The following ZNF804B variants were observed in gnomAD, a reference collection of about 807,000 sequenced individuals.
The protein encoded by ZNF804B is zinc finger 804B.
ZNF804B carries 80 observed loss-of-function variants against 101.4 expected under a neutral mutation model. That is an observed-to-expected ratio of 0.79 (90% confidence interval 0.66 to 0.95). The LOEUF (loss-of-function observed/expected upper bound fraction) is 0.95. Ranked by LOEUF, ZNF804B falls within the 40% of genes least tolerant of loss-of-function variation. The pLI, the probability that ZNF804B is intolerant of heterozygous loss-of-function variation, is 0.00. For synonymous variants in ZNF804B, 622 were observed against 558.8 expected (o/e 1.11, Z -1.59); for missense variants, 1,673 against 1,561.9 (o/e 1.07, Z -1.20).
chr7:89,052,751 T>A (rs973016828), intron 1 of ZNF804B, among the ~76,000 whole-genome samples: 1 of 152,172 alleles, frequency 6.6e-6, no homozygotes, highest in Non-Finnish European at 1.5e-5. Context: ...GTACTCACAT[T>A]TAGCCCAATT....
At chr7:88,907,476 AAGG>A (rs906753800) in intron 1 of ZNF804B, among the ~76,000 whole-genome samples, 1 of 152,056 alleles carries the variant, frequency 6.6e-6, no homozygotes, top group African/African-American at 2.4e-5. Flanking sequence ...TACTGCTACT[AAGG>A]AGAACAACAG....
chr7:89,006,251 C>T (rs1788367840), intron 1 of ZNF804B, among the ~76,000 whole-genome samples: 1 of 151,946 alleles, frequency 6.6e-6, no homozygotes, highest in Non-Finnish European at 1.5e-5. Context: ...CAATTGTCTT[C>T]CTCCATTAAA....
At chr7:88,765,336 A>G (rs1228329133) in intron 1 of ZNF804B, among the ~76,000 whole-genome samples, 1 of 152,190 alleles carries the variant, frequency 6.6e-6, no homozygotes, top group Non-Finnish European at 1.5e-5. Flanking sequence ...TGTGCATGAC[A>G]TTTAACATAG....
rs140621492 is a variant in ZNF804B, at chr7:89,008,818, C to T, written c.109-209337C>T. Among the ~76,000 whole-genome samples, 710 of 152,302 alleles carry T rather than the reference C, an allele frequency of 4.7e-3. 7 individuals are homozygous for T. The highest frequency in any genetic ancestry group is 0.016 in the African/African-American group (674 of 41,570). ...TTTCAAGTAGACCCTTACACTCTAT[C>T]TGCTCCCATCTCCTTGAATGTAGCC... is the stretch of plus-strand genomic sequence containing the variant. On this transcript the variant is annotated intron_variant, in intron 1 of 3. Coordinates refer to ENST00000333190, the MANE Select transcript of ZNF804B (RefSeq NM_181646.5).
chr7:88,993,978 C>G (rs1162605257), intron 1 of ZNF804B, among the ~76,000 whole-genome samples: 1 of 151,914 alleles, frequency 6.6e-6, no homozygotes, highest in Non-Finnish European at 1.5e-5. Context: ...CAGTTTTGAT[C>G]ATATATGTAT....
chr7:89,128,099 G>A (rs1202009082), intron 1 of ZNF804B, among the ~76,000 whole-genome samples: 5 of 151,744 alleles, frequency 3.3e-5, no homozygotes, highest in Admixed American at 6.6e-5. Flanking sequence ...GTAATTAATA[G>A]TGTAATTTTT....
At chr7:89,173,932 T>C (rs1015676178) in intron 1 of ZNF804B, among the ~76,000 whole-genome samples, 30 of 152,138 alleles carry the variant, frequency 2.0e-4, no homozygotes, top group African/African-American at 6.7e-4. Flanking sequence ...AATGATATTT[T>C]TATTTATATT....
intron 2 of ZNF804B, among the ~76,000 whole-genome samples, chr7:89,290,817 T>C (rs190693778): frequency 6.6e-6 from 1 of 152,192 alleles, no homozygotes; most frequent in East Asian, 1.9e-4. Context: ...TGGGTAGTAG[T>C]TACAGTGAGC....
chr7:88,967,593 T>C (rs558938512), intron 1 of ZNF804B, among the ~76,000 whole-genome samples: 1 of 141,154 alleles, frequency 7.1e-6, no homozygotes, highest in African/African-American at 2.5e-5. Flanking sequence ...ACCAATAGTA[T>C]TACTAATAGA....
At chr7:88,933,366 T>A (rs900541049) in intron 1 of ZNF804B, among the ~76,000 whole-genome samples, 2 of 151,952 alleles carry the variant, frequency 1.3e-5, no homozygotes, top group Non-Finnish European at 2.9e-5. Context: ...GCATTTCCCC[T>A]GAGAACTGGA....
chr7:88,955,114 G>GA (rs1249065860), intron 1 of ZNF804B, among the ~76,000 whole-genome samples: 2 of 146,654 alleles, frequency 1.4e-5, no homozygotes, highest in East Asian at 2.0e-4. Flanking sequence ...AAAAAAAAAG[G>GA]AAAAAAAAGT....
chr7:89,278,958 C>T (rs1309481376), intron 2 of ZNF804B, among the ~76,000 whole-genome samples: 9 of 152,156 alleles, frequency 5.9e-5, no homozygotes, highest in East Asian at 5.8e-4. Flanking sequence ...GCCATTTTCA[C>T]GATATTGATT....
chr7:89,193,142 G>C (rs1248692623), intron 1 of ZNF804B, among the ~76,000 whole-genome samples: 1 of 151,842 alleles, frequency 6.6e-6, no homozygotes, highest in East Asian at 1.9e-4. Flanking sequence ...TGGAAGTCCT[G>C]GACAGGGAAA....
intron 1 of ZNF804B, among the ~76,000 whole-genome samples, chr7:88,820,908 TG>T (rs1173087826): frequency 2.0e-5 from 3 of 152,132 alleles, no homozygotes; most frequent in Non-Finnish European, 4.4e-5. Context: ...ACTGTGAATA[TG>T]CTGCAGTGAG....
chr7:89,028,113 A>C (rs1483831777), intron 1 of ZNF804B, among the ~76,000 whole-genome samples: 2 of 152,172 alleles, frequency 1.3e-5, no homozygotes, highest in Non-Finnish European at 2.9e-5. Flanking sequence ...TGAGTGGTAC[A>C]TAATTATAGA....
chr7:89,200,234 A>G (rs1317578759), intron 1 of ZNF804B, among the ~76,000 whole-genome samples: 1 of 151,948 alleles, frequency 6.6e-6, no homozygotes, highest in Non-Finnish European at 1.5e-5. Context: ...TAGATGTAAC[A>G]TGCTTCCTTC....
At chr7:89,022,578 G>C (rs77522439) in intron 1 of ZNF804B, among the ~76,000 whole-genome samples, 1,720 of 152,232 alleles carry the variant, frequency 0.011, 14 homozygotes, top group Non-Finnish European at 0.018. Flanking sequence ...TTACTAAAGG[G>C]CACATAGGCT....
intron 1 of ZNF804B, among the ~76,000 whole-genome samples, chr7:88,936,367 T>A (rs1296232451): frequency 2.0e-5 from 3 of 152,112 alleles, no homozygotes; most frequent in East Asian, 3.9e-4. Context: ...AAACTGACAA[T>A]AGACAGATGA....
At chr7:89,058,078 A>G (rs1789324176) in intron 1 of ZNF804B, among the ~76,000 whole-genome samples, 1 of 152,114 alleles carries the variant, frequency 6.6e-6, no homozygotes, top group Admixed American at 6.6e-5. Context: ...AACAACATTA[A>G]CATAGCAGCC....
Sources: gnomAD v4.1 joint callset for allele counts (sites outside exome capture counted in the v4.1 genomes callset) on GRCh38, gnomAD v4.1.1 for gene constraint, MANE v1.5 for transcripts, NCBI Gene and HGNC (gene_info 2026-07-23, HGNC 2026-07-21) for gene names.